Variants in DHODH observed in about 807,000 individuals in gnomAD.
DHODH encodes dihydroorotate dehydrogenase (quinone), also known as dihydroorotate dehydrogenase (quinone), mitochondrial.
Under a neutral mutation model 39.7 loss-of-function variants are expected in DHODH, and 30 were observed. That is an observed-to-expected ratio of 0.76 (90% CI 0.57 to 1.02). The LOEUF (loss-of-function observed/expected upper bound fraction) is 1.02. DHODH is among the 50% of genes least tolerant of loss of function. The probability of loss-of-function intolerance (pLI) is 0.00; values close to 1 mark genes in which losing one functional copy is unlikely to be tolerated. For missense variants in DHODH, 531 were observed against 520.8 expected, an observed-to-expected ratio of 1.02 and a Z score of -0.19; for synonymous variants, 222 against 213.8, an observed-to-expected ratio of 1.04 and a Z score of -0.34.
rs2041252728 is a variant in DHODH, at chr16:72,023,999, T to A, written c.1134-146T>A. ...CTCTGTTCCTACCTGGGTAGAAATA[T>A]CCCTAGGTCTCTGGGTGAAGAGTGT... On this transcript the variant is annotated intron_variant, in intron 8 of 8. Transcript: ENST00000219240. 2.3e-5 allele frequency: 20 copies of A among 864,632 alleles called. No homozygotes were observed. The East Asian group carries it at 5.0e-4, about 21-fold the overall frequency. 53.6% of individuals were successfully genotyped at this position (864,632 alleles called of 1,614,324 possible).
chr16:72,012,317 C>G, intron 2 of DHODH, 55 bp downstream of exon 2: 1 of 1,518,616 alleles, frequency 6.6e-7, no homozygotes, highest in South Asian at 1.1e-5. Flanking sequence ...CTGCAGTCCC[C>G]TAAACTTCTC....
In DHODH at chr16:72,017,113, T is replaced by C. The variant is rs1567571490; in HGVS notation, c.517+7T>C. 1.9e-6 allele frequency: 3 copies of C among 1,613,652 alleles called. No homozygotes were observed. In the Admixed American group the frequency reaches 5.0e-5, roughly 27 times the overall value. Reference sequence around the variant, plus strand: ...CAGGCCAAGCTCACAGAAGGTAAAGTGGGGTTGTGTCAGTGGGCCTTTCTT... The same window carrying C: ...CAGGCCAAGCTCACAGAAGGTAAAGCGGGGTTGTGTCAGTGGGCCTTTCTT... On this transcript the variant is annotated splice_region_variant and intron_variant, in intron 4 of 8. Transcript: ENST00000219240.
Position 72,024,298 on chromosome 16 carries a change from T to C in DHODH, c.*99T>C, listed in dbSNP as rs1050983961. Reference sequence around the variant, plus strand: ...AGAGGAGGGACTCCATCTTGAGCCATGTCCCCCAGCCATGGCATGGCTGCA... The same window carrying C: ...AGAGGAGGGACTCCATCTTGAGCCACGTCCCCCAGCCATGGCATGGCTGCA... On this transcript the variant is annotated 3_prime_UTR_variant, in exon 9 of 9. Transcript: ENST00000219240. 5.2e-6 allele frequency: 7 copies of C among 1,349,148 alleles called. No homozygotes were observed. Among genetic ancestry groups the C allele is most frequent in the Non-Finnish European group, 6.3e-6 (6 of 946,510 alleles). The allele number at this position is 1,349,148 out of a possible 1,614,324, so 83.6% of individuals were successfully genotyped here.
chr16:72,022,612 GTGTAACTCACCC>G, intron 6 of DHODH, 137 bp downstream of exon 6: 1 of 744,192 alleles, frequency 1.3e-6, no homozygotes, highest in Non-Finnish European at 2.3e-6. Context: ...GTGTGTCATG[GTGTAACTCACCC>G]TGTGGTCAAA....
At position 72,026,386 on chromosome 16, in the gene DHODH, C is replaced by CT. The variant is rs370916415; in HGVS notation, c.*2199dup. 6.9e-4 allele frequency: 101 copies of CT among 146,044 alleles called. No homozygotes were observed. Among genetic ancestry groups the CT allele is most frequent in the Non-Finnish European group, 9.7e-4 (64 of 66,300 alleles). 9.0% of individuals were successfully genotyped at this position (146,044 alleles called of 1,614,324 possible). ...TGGAAGGTTCTCCACGGAAGACTGC[C>CT]TTTTTTTTTTTTGAGATGGAGTCTC... On this transcript the variant is annotated 3_prime_UTR_variant, in exon 9 of 9. Transcript: ENST00000219240.
intron 4 of DHODH, among the ~76,000 whole-genome samples, chr16:72,017,543 C>G (rs1318838361): frequency 2.6e-5 from 4 of 152,126 alleles, no homozygotes; most frequent in Non-Finnish European, 5.9e-5. Context: ...AAAGAATGTT[C>G]AAGAAACAGA....
At chr16:72,010,647 C>T (rs1193857243) in intron 1 of DHODH, among the ~76,000 whole-genome samples, 1 of 152,200 alleles carries the variant, frequency 6.6e-6, no homozygotes, top group Non-Finnish European at 1.5e-5. Context: ...GCATTGTGAA[C>T]CACTTTTGAT....
rs999524309 is a variant in DHODH at position 72,025,019 on chromosome 16, T to C, written c.*820T>C. On this transcript the variant is annotated 3_prime_UTR_variant, in exon 9 of 9. Transcript: ENST00000219240. ...CCGTTTCTCTCTGTCCCTTTCTCTA[T>C]AACATGGATAAAATATTCACGTCTT... 6.6e-6 allele frequency: 1 copy of C among 152,234 alleles called. No individual in the cohort carries two copies. Among genetic ancestry groups the C allele is most frequent in the African/African-American group, 2.4e-5 (1 of 41,464 alleles). 9.4% of individuals were successfully genotyped at this position (152,234 alleles called of 1,614,324 possible). A position where few individuals can be genotyped will look rare whatever the true frequency, so the allele number is the denominator to read the frequency against.
intron 3 of DHODH, chr16:72,016,470 T>C (rs1035225321): frequency 5.7e-6 from 1 of 175,582 alleles, no homozygotes; most frequent in Non-Finnish European, 1.2e-5. Flanking sequence ...CTCAAGAAGA[T>C]TGTAACCTAG....
At chr16:72,011,935 G>C in intron 1 of DHODH, 115 bp from the exon 2 acceptor site, 2 of 770,222 alleles carry the variant, frequency 2.6e-6, no homozygotes, top group South Asian at 3.1e-5. Context: ...GAAGGCTAAG[G>C]GCGTCTGTTT....
At chr16:72,009,337 A>G (rs2041056114) in intron 1 of DHODH, among the ~76,000 whole-genome samples, 1 of 149,664 alleles carries the variant, frequency 6.7e-6, no homozygotes, top group African/African-American at 2.5e-5. Context: ...CCCCGTCTCT[A>G]CTAAAAATAC....
chr16:72,023,453 T>C (rs959505455), intron 7 of DHODH, 21 bp from the exon 8 acceptor site: 15 of 1,614,064 alleles, frequency 9.3e-6, no homozygotes, highest in Non-Finnish European at 1.2e-5. Context: ...CTTTATGGTG[T>C]CGCCATGTGC....
chr16:72,022,505 G>T, intron 6 of DHODH, 30 bp downstream of exon 6: 1 of 1,526,872 alleles, frequency 6.5e-7, no homozygotes, highest in South Asian at 1.2e-5. Flanking sequence ...CCCAGGGTGT[G>T]CCTCCCATGG....
Position 72,021,125 on chromosome 16 carries a change from T to C in DHODH, c.519T>C (p.Asp173=), listed in dbSNP as rs201244734. The change falls in exon 5 of 9, where the codon GAT becomes GAC. Residue 173 remains aspartate, a splice_region_variant and synonymous_variant. Transcript: ENST00000219240. ...RQQKQAKLTE[D]GLPLGVNLGK... ...AGGCCTGACCAGCGATGTTTGCAGATGGACTGCCTCTGGGGGTCAACTTGG... is the reference window on the plus strand; with the variant it reads ...AGGCCTGACCAGCGATGTTTGCAGACGGACTGCCTCTGGGGGTCAACTTGG... 21 of 1,604,316 alleles carry C rather than the reference T, an allele frequency of 1.3e-5. No individual in the cohort carries two copies. The highest frequency in any genetic ancestry group is 1.7e-5 in the Admixed American group (1 of 58,850).
At chr16:72,013,179 A>G (rs1012797473) in intron 2 of DHODH, among the ~76,000 whole-genome samples, 3 of 151,902 alleles carry the variant, frequency 2.0e-5, no homozygotes, top group African/African-American at 7.3e-5. Context: ...CTATCTGATT[A>G]TATGGTGTTG....
intron 1 of DHODH, chr16:72,009,253 C>T (rs1048618131): frequency 4.8e-5 from 24 of 502,716 alleles, no homozygotes; most frequent in Non-Finnish European, 6.2e-5. Context: ...CCTGTAATCC[C>T]AGCACTTTGG....
rs571943182 is a variant in DHODH, at chr16:72,011,156, G to A, written c.22-894G>A. On this transcript the variant is annotated intron_variant, in intron 1 of 8. Coordinates refer to ENST00000219240, the MANE Select transcript of DHODH (RefSeq NM_001361.5). ...TGTAAATATTGCTATGACTCCCCTA[G>A]TGAGATAGTTGTGTTTAAGTCTCTA... Among the ~76,000 whole-genome samples the A allele has an allele frequency of 3.3e-5, 5 of 152,304 alleles. No homozygotes were observed. The East Asian group carries it at 7.7e-4, about 23-fold the overall frequency.
chr16:72,014,362 G>C (rs924280628), intron 2 of DHODH, 111 bp from the exon 3 acceptor site: 5 of 1,092,126 alleles, frequency 4.6e-6, no homozygotes, highest in Admixed American at 1.9e-5. Context: ...CCTGGGATCT[G>C]AGGTTTCACA....
At chr16:72,022,934 T>G (rs1214565750) in intron 6 of DHODH, among the ~76,000 whole-genome samples, 1 of 152,202 alleles carries the variant, frequency 6.6e-6, no homozygotes, top group African/African-American at 2.4e-5. Flanking sequence ...GACTGGACCC[T>G]GTCCTAGGGG....
Sources: gnomAD v4.1 joint callset for allele counts (sites outside exome capture counted in the v4.1 genomes callset) on GRCh38, gnomAD v4.1.1 for gene constraint, MANE v1.5 for transcripts, NCBI Gene and HGNC (gene_info 2026-07-23, HGNC 2026-07-21) for gene names.